Variants in MECOM observed in about 807,000 individuals in gnomAD.
MECOM encodes the protein histone-lysine N-methyltransferase MECOM.
A neutral mutation model predicts 116.3 loss-of-function variants in MECOM; 13 were observed. The observed-to-expected ratio is 0.11, with a 90% CI of 0.07 to 0.18. The LOEUF is 0.18. Ranked by LOEUF, MECOM falls within the 10% of genes least tolerant of loss-of-function variation. The probability of loss-of-function intolerance (pLI) is 1.00; values close to 1 mark genes in which losing one functional copy is unlikely to be tolerated. For synonymous variants in MECOM, 528 were observed against 535.2 expected (o/e 0.99, Z 0.19); for missense variants, 1,299 against 1,509.0 (o/e 0.86, Z 2.31).
At chr3:169,204,425 A>G (rs548470763) in intron 2 of MECOM, among the ~76,000 whole-genome samples, 87 of 152,294 alleles carry the variant, frequency 5.7e-4, no homozygotes, top group Non-Finnish European at 9.1e-4. Context: ...TGATTCAGCC[A>G]AGCTCTGCAC....
At chr3:169,557,130 A>G (rs1762130495) in intron 1 of MECOM, among the ~76,000 whole-genome samples, 1 of 152,154 alleles carries the variant, frequency 6.6e-6, no homozygotes, top group Admixed American at 6.5e-5. Context: ...TCAATCACTC[A>G]TAGAGTATAC....
intron 3 of MECOM, chr3:169,131,931 C>T: frequency 9.9e-7 from 1 of 1,006,234 alleles, no homozygotes; most frequent in Non-Finnish European, 1.2e-6. Context: ...AGTAGCCTAG[C>T]TTACCTTGTA....
At chr3:169,541,359 C>T (rs1022737878) in intron 1 of MECOM, among the ~76,000 whole-genome samples, 1 of 152,186 alleles carries the variant, frequency 6.6e-6, no homozygotes, top group Non-Finnish European at 1.5e-5. Flanking sequence ...TGCATGACAT[C>T]TTGACAGCAA....
chr3:169,334,635 A>G (rs1723305133), intron 2 of MECOM, among the ~76,000 whole-genome samples: 1 of 152,196 alleles, frequency 6.6e-6, no homozygotes, highest in Non-Finnish European at 1.5e-5. Context: ...CTGTATAATA[A>G]GTACACTGGG....
chr3:169,455,939 G>C (rs1746408894), intron 1 of MECOM, among the ~76,000 whole-genome samples: 1 of 152,208 alleles, frequency 6.6e-6, no homozygotes, highest in Admixed American at 6.5e-5. Flanking sequence ...CCTAGTCCAA[G>C]CCAGAGGCTG....
intron 2 of MECOM, among the ~76,000 whole-genome samples, chr3:169,363,491 C>A: frequency 6.6e-6 from 1 of 151,864 alleles, no homozygotes; most frequent in Admixed American, 6.6e-5. Context: ...GCTTCTTGAG[C>A]GATCAAGGCA....
chr3:169,575,356 G>C (rs1311374188), intron 1 of MECOM, among the ~76,000 whole-genome samples: 1 of 152,122 alleles, frequency 6.6e-6, no homozygotes, highest in Admixed American at 6.5e-5. Flanking sequence ...GTGCCCTGCG[G>C]GGGTAGAAAT....
intron 1 of MECOM, among the ~76,000 whole-genome samples, chr3:169,657,084 C>T (rs1327842742): frequency 1.3e-5 from 2 of 152,218 alleles, no homozygotes; most frequent in African/African-American, 4.8e-5. Context: ...TCTAGACCTA[C>T]TGATACCAAT....
intron 2 of MECOM, among the ~76,000 whole-genome samples, chr3:169,327,403 G>C (rs1172574043): frequency 6.6e-6 from 1 of 152,134 alleles, no homozygotes; most frequent in Non-Finnish European, 1.5e-5. Context: ...ACTTTGGGAG[G>C]CCAAGGTGGG....
At chr3:169,442,399 A>G (rs188449535) in intron 1 of MECOM, among the ~76,000 whole-genome samples, 10 of 152,296 alleles carry the variant, frequency 6.6e-5, no homozygotes, top group Admixed American at 2.0e-4. Context: ...ATATGCCATT[A>G]AAGTATGAAT....
At chr3:169,248,890 C>T (rs898289568) in intron 2 of MECOM, among the ~76,000 whole-genome samples, 4 of 151,952 alleles carry the variant, frequency 2.6e-5, no homozygotes, top group Non-Finnish European at 5.9e-5. Context: ...TTCTGGGCCC[C>T]GGAATTGTAA....
chr3:169,248,201 C>A (rs1035068260), intron 2 of MECOM, among the ~76,000 whole-genome samples: 4 of 152,108 alleles, frequency 2.6e-5, no homozygotes, highest in African/African-American at 9.7e-5. Flanking sequence ...GAAAATCACT[C>A]CAAACCAATT....
chr3:169,549,586 C>T (rs1375857038), intron 1 of MECOM, among the ~76,000 whole-genome samples: 1 of 152,130 alleles, frequency 6.6e-6, no homozygotes, highest in Non-Finnish European at 1.5e-5. Context: ...ACCACACTCC[C>T]CCAGTGCCAC....
chr3:169,547,840 T>C (rs1345137583), intron 1 of MECOM, among the ~76,000 whole-genome samples: 1 of 151,028 alleles, frequency 6.6e-6, no homozygotes, highest in African/African-American at 2.4e-5. Flanking sequence ...GAGACAGGAG[T>C]CATGCAGCCA....
chr3:169,127,787 A>G, intron 5 of MECOM, 57 bp downstream of exon 5: 1 of 1,490,742 alleles, frequency 6.7e-7, no homozygotes, highest in Non-Finnish European at 9.3e-7. Flanking sequence ...CTCAAAATTC[A>G]GCATAACATT....
At chr3:169,396,713 G>C (rs1209968499) in intron 1 of MECOM, among the ~76,000 whole-genome samples, 1 of 152,206 alleles carries the variant, frequency 6.6e-6, no homozygotes, top group African/African-American at 2.4e-5. Context: ...GCTCACGCCT[G>C]TAATCCCAGC....
rs1165817924 is a variant in MECOM at position 169,381,084 on chromosome 3, CAT to C, written c.375+101_375+102del. ...TTTATTCTTAAAAACCTGTTGAAAA[CAT>C]ATTGTAACAAATATAATTTGCTTAT... On this transcript the variant is annotated intron_variant, in intron 2 of 16. Coordinates refer to ENST00000651503, the MANE Select transcript of MECOM (RefSeq NM_004991.4). 3.9e-6 allele frequency: 4 copies of C among 1,022,954 alleles called. No homozygotes were observed. The African/African-American group carries it at 4.9e-5, about 12-fold the overall frequency. The allele number at this position is 1,022,954 out of a possible 1,614,324, so 63.4% of individuals were successfully genotyped here. A position where few individuals can be genotyped will look rare whatever the true frequency, so the allele number is the denominator to read the frequency against.
At chr3:169,330,411 AGCTCAGATAACTATTATTT>A (rs1210925624) in intron 2 of MECOM, among the ~76,000 whole-genome samples, 1 of 152,194 alleles carries the variant, frequency 6.6e-6, no homozygotes, top group Non-Finnish European at 1.5e-5. Context: ...ATCTGCTTGG[AGCTCAGATAACTATTATTT>A]GAAAACATAA....
Position 169,516,212 on chromosome 3 carries a change from C to T in MECOM, c.38-134688G>A, listed in dbSNP as rs528011798. Among the ~76,000 whole-genome samples the T allele has an allele frequency of 5.5e-4, 83 of 152,192 alleles. No homozygotes were observed. The South Asian group carries it at 0.012, about 22-fold the overall frequency. On this transcript the variant is annotated intron_variant, in intron 1 of 16. Transcript: ENST00000651503. Reference sequence around the variant, plus strand: ...AATTCTCATTATCTAATAAAAAGGACTTCTATGGATTGTTGTTTAGGAGAC... The same window carrying T: ...AATTCTCATTATCTAATAAAAAGGATTTCTATGGATTGTTGTTTAGGAGAC...
Sources: gnomAD v4.1 joint callset for allele counts (sites outside exome capture counted in the v4.1 genomes callset) on GRCh38, gnomAD v4.1.1 for gene constraint, MANE v1.5 for transcripts, NCBI Gene and HGNC (gene_info 2026-07-23, HGNC 2026-07-21) for gene names.